PHLDB1: variants seen among roughly 807,000 people sequenced by gnomAD.
PHLDB1 encodes pleckstrin homology like domain family B member 1.
In PHLDB1, 65 loss-of-function variants were observed where a neutral mutation model predicts 139.3. That is an observed-to-expected ratio of 0.47 (90% confidence interval 0.38 to 0.57). PHLDB1 has a LOEUF of 0.57. Among genes scored for constraint, PHLDB1 ranks in the 20% least tolerant of loss-of-function variants. The pLI is 0.00. For missense variants in PHLDB1, 1,624 were observed against 1,839.7 expected, an observed-to-expected ratio of 0.88 and a Z score of 2.14; for synonymous variants, 679 against 734.5, an observed-to-expected ratio of 0.92 and a Z score of 1.22.
At position 118,610,507 on chromosome 11, in the gene PHLDB1, G is replaced by A; in HGVS notation, c.-22+2808G>A. ...ATGCACCGCTTGGGCCGAGGCCGAG[G>A]CCGACCCCCAGGGACACAGGTGAGG... On this transcript the variant is annotated intron_variant, in intron 1 of 22. Transcript: ENST00000600882. This position sits in a 1 kb window ranked among gnomAD's most constrained non-coding sequence, Gnocchi z 8.7. 15 of 212,112 alleles carry A rather than the reference G, an allele frequency of 7.1e-5. No homozygotes were observed. The highest frequency in any genetic ancestry group is 1.2e-4 in the Non-Finnish European group (15 of 127,670). 13.1% of individuals were successfully genotyped at this position (212,112 alleles called of 1,614,324 possible).
chr11:118,608,355 C>T lies in PHLDB1; in HGVS notation c.-22+656C>T, dbSNP rs1233895244. Among the ~76,000 whole-genome samples the T allele has an allele frequency of 1.3e-5, 2 of 152,164 alleles. No individual in the cohort carries two copies. The highest frequency in any genetic ancestry group is 2.9e-5 in the Non-Finnish European group (2 of 67,994). On this transcript the variant is annotated intron_variant, in intron 1 of 22. Coordinates refer to ENST00000600882, the MANE Select transcript of PHLDB1 (RefSeq NM_001144758.3). The surrounding 1 kb of genome is among the most constrained non-coding windows in gnomAD (Gnocchi z 6.7). ...GGGCGCCTTGCCACGCCCGCGCGGT[C>T]CCTATTGGAATCCCTAGCGGAGTTC... is the stretch of plus-strand genomic sequence containing the variant.
rs150763818 is a variant in PHLDB1, at chr11:118,628,166, G to A, written c.1343G>A (p.Arg448Gln). The A allele has an allele frequency of 6.4e-5, 104 of 1,614,076 alleles. No individual in the cohort carries two copies. The highest frequency in any genetic ancestry group is 2.3e-4 in the Admixed American group (14 of 60,026). Residue 448 changes from arginine to glutamine, a missense_variant, in exon 6 of 23, where the codon CGG becomes CAG. Physicochemically the swap from Arg to Gln is conservative, Grantham distance 43. Coordinates refer to ENST00000600882, the MANE Select transcript of PHLDB1 (RefSeq NM_001144758.3). ...LQPPESPRLG[R>Q]RGLDSMRELP... is the part of the protein sequence containing the mutation. ...CCTCCTGAGAGTCCCCGCCTGGGCC[G>A]GCGGGGCCTGGACAGTATGCGAGAA...
In PHLDB1 at chr11:118,628,708, G is replaced by A. The variant is rs529007909; in HGVS notation, c.1827+58G>A. ...CATGGCAGAGTCTCTGCCAGGGCTC[G>A]AGCAGGCCAGCTGGCAGAGCAGGAG... On this transcript the variant is annotated intron_variant, in intron 6 of 22. Coordinates refer to ENST00000600882, the MANE Select transcript of PHLDB1 (RefSeq NM_001144758.3). 9 of 1,512,758 alleles carry A rather than the reference G, an allele frequency of 5.9e-6. No homozygotes were observed. The South Asian group carries it at 6.2e-5, about 10-fold the overall frequency. The allele number at this position is 1,512,758 out of a possible 1,614,324, so 93.7% of individuals were successfully genotyped here. A position where few individuals can be genotyped will look rare whatever the true frequency, so the allele number is the denominator to read the frequency against.
At chr11:118,612,140 T>A (rs971167104) in intron 1 of PHLDB1, among the ~76,000 whole-genome samples, 1 of 144,002 alleles carries the variant, frequency 6.9e-6, no homozygotes, top group African/African-American at 2.6e-5. Flanking sequence ...ATCCAGACAG[T>A]CTTTTTTATT....
At chr11:118,619,656 TC>T (rs1555092769) in intron 4 of PHLDB1, among the ~76,000 whole-genome samples, 1 of 152,154 alleles carries the variant, frequency 6.6e-6, no homozygotes, top group Non-Finnish European at 1.5e-5. Context: ...GAATCACTCT[TC>T]CTGAGGAGAT....
intron 10 of PHLDB1, 138 bp from the exon 11 acceptor site, chr11:118,638,753 T>G: frequency 4.7e-6 from 3 of 635,488 alleles, no homozygotes; most frequent in South Asian, 2.1e-5. Flanking sequence ...TTTCTTAGGG[T>G]GAGTTGAGGC....
At chr11:118,635,166 C>T in intron 9 of PHLDB1, 2 of 592,486 alleles carry the variant, frequency 3.4e-6, no homozygotes, top group Admixed American at 3.2e-5. Flanking sequence ...ACACCAGGGT[C>T]GGTGCTGCGG....
intron 4 of PHLDB1, among the ~76,000 whole-genome samples, chr11:118,617,225 A>T (rs1941830388): frequency 6.6e-6 from 1 of 152,074 alleles, no homozygotes; most frequent in Admixed American, 6.6e-5. Flanking sequence ...AATGAGAAAA[A>T]CAGATTTGGG....
intron 1 of PHLDB1, among the ~76,000 whole-genome samples, chr11:118,609,892 A>C (rs1939832126): frequency 6.6e-6 from 1 of 151,354 alleles, no homozygotes; most frequent in Non-Finnish European, 1.5e-5. Flanking sequence ...CCGGACACCC[A>C]AGCAACAGCC....
chr11:118,617,974 G>A (rs1358261025), intron 4 of PHLDB1, among the ~76,000 whole-genome samples: 2 of 151,900 alleles, frequency 1.3e-5, no homozygotes, highest in African/African-American at 2.4e-5. Flanking sequence ...CACATTCATC[G>A]GTAAGAACAT....
chr11:118,626,087 G>A (rs1943806485), intron 5 of PHLDB1, among the ~76,000 whole-genome samples: 1 of 152,156 alleles, frequency 6.6e-6, no homozygotes, highest in Non-Finnish European at 1.5e-5. Context: ...TGCTGGCATG[G>A]CTTAATGGGA....
In PHLDB1 at chr11:118,642,310, G is replaced by A; in HGVS notation, c.2793G>A (p.Met931Ile). The A allele has an allele frequency of 3.7e-6, 6 of 1,612,912 alleles. No individual in the cohort carries two copies. Among genetic ancestry groups the A allele is most frequent in the Non-Finnish European group, 5.1e-6 (6 of 1,179,934 alleles). Reference protein sequence around the residue: ...VDLEQWYQELMAGLGTGPAAA... With the variant: ...VDLEQWYQELIAGLGTGPAAA... ...TAGAGCAGTGGTACCAGGAGCTGAT[G>A]GCCGGGCTGGGGACTGGCCCCGCTG... is the stretch of plus-strand genomic sequence containing the variant. The change falls in exon 13 of 23, where the codon ATG (methionine) becomes ATA (isoleucine). Residue 931 changes from methionine to isoleucine, a missense_variant. Physicochemically the swap from Met to Ile is conservative, Grantham distance 10 (BLOSUM62 1). Transcript: ENST00000600882.
At chr11:118,644,234 G>A in intron 15 of PHLDB1, 60 bp downstream of exon 15, 1 of 1,153,510 alleles carries the variant, frequency 8.7e-7, no homozygotes, top group Non-Finnish European at 1.3e-6. Context: ...TAGTTGCCAT[G>A]CCTCCTCTAT....
chr11:118,645,896 T>A lies in PHLDB1; in HGVS notation c.3507+71T>A, dbSNP rs1947408684. On this transcript the variant is annotated intron_variant, in intron 17 of 22. Transcript: ENST00000600882. This position sits in a 1 kb window ranked among gnomAD's most constrained non-coding sequence, Gnocchi z 5.1. ...AGCTACCTACTGCATGTCAAGGGCC[T>A]GTGCTCCACCCCAAGCCCTTCCACC... 7.3e-6 allele frequency: 7 copies of A among 954,226 alleles called. No individual in the cohort carries two copies. The highest frequency in any genetic ancestry group is 1.2e-5 in the Non-Finnish European group (7 of 580,686). The allele number at this position is 954,226 out of a possible 1,614,324, so 59.1% of individuals were successfully genotyped here.
Position 118,608,996 on chromosome 11 carries a change from TCA to T in PHLDB1, c.-22+1303_-22+1304del, listed in dbSNP as rs1243916673. On this transcript the variant is annotated intron_variant, in intron 1 of 22. Transcript: ENST00000600882. The surrounding 1 kb of genome is among the most constrained non-coding windows in gnomAD (Gnocchi z 6.7). ...CCCCAGCTCACACACGAAGCCCAGC[TCA>T]CACACGCAGCCCCAGCTCTCACACA... is the stretch of plus-strand genomic sequence containing the variant. Among the ~76,000 whole-genome samples the T allele has an allele frequency of 7.4e-6, 1 of 135,626 alleles. No homozygotes were observed. The highest frequency in any genetic ancestry group is 2.2e-4 in the East Asian group (1 of 4,466). The allele number at this position is 135,626 out of a possible 152,430, so 89.0% of individuals were successfully genotyped here.
rs557841934 is a variant in PHLDB1, at chr11:118,657,963, C to G, written c.*1140C>G. On this transcript the variant is annotated 3_prime_UTR_variant, in exon 23 of 23. Coordinates refer to ENST00000600882, the MANE Select transcript of PHLDB1 (RefSeq NM_001144758.3). ...GCATTGAGCCCTTGGTTGCCTGGGC[C>G]CAGGCTGGGGGTTTTCAGTATTTGT... 1 of 283,998 alleles carries G rather than the reference C, an allele frequency of 3.5e-6. No individual in the cohort carries two copies. The highest frequency in any genetic ancestry group is 7.5e-5 in the South Asian group (1 of 13,376). 17.6% of individuals were successfully genotyped at this position (283,998 alleles called of 1,614,324 possible). A position where few individuals can be genotyped will look rare whatever the true frequency, so the allele number is the denominator to read the frequency against.
chr11:118,631,074 C>T, intron 6 of PHLDB1, 133 bp from the exon 7 acceptor site: 1 of 764,378 alleles, frequency 1.3e-6, no homozygotes, highest in Non-Finnish European at 1.9e-6. Context: ...GGTCAGGCCT[C>T]TCCTGACTTG....
At position 118,632,300 on chromosome 11, in the gene PHLDB1, A is replaced by G. The variant is rs937956414; in HGVS notation, c.2379+4A>G. On this transcript the variant is annotated splice_donor_region_variant and intron_variant, in intron 9 of 22. Transcript: ENST00000600882. This position sits in a 1 kb window ranked among gnomAD's most constrained non-coding sequence, Gnocchi z 5.9. The stretch of plus-strand genomic sequence containing the variant: ...CATCCAGAAGGAGAGGGACAAGGTA[A>G]CCCACACCTGGCCCAGCTTAGTGCT... 1 of 1,612,348 alleles carries G rather than the reference A, an allele frequency of 6.2e-7. No individual in the cohort carries two copies. Among genetic ancestry groups the G allele is most frequent in the Admixed American group, 1.7e-5 (1 of 60,012 alleles).
At chr11:118,635,013 G>T (rs1555114158) in intron 9 of PHLDB1, 1 of 478,394 alleles carries the variant, frequency 2.1e-6, no homozygotes, top group Admixed American at 2.3e-5. Flanking sequence ...TAACTGCCCC[G>T]AGTCAGTGCG....
Sources: gnomAD v4.1 joint callset for allele counts (sites outside exome capture counted in the v4.1 genomes callset) on GRCh38, gnomAD v4.1.1 for gene constraint, Gnocchi (gnomAD v3.1) non-coding constraint, MANE v1.5 for transcripts, NCBI Gene and HGNC (gene_info 2026-07-23, HGNC 2026-07-21) for gene names.